MBTD1: variants seen among roughly 807,000 people sequenced by gnomAD.
MBTD1 encodes MBT domain-containing protein 1.
A neutral mutation model predicts 87.8 loss-of-function variants in MBTD1; 24 were observed. The ratio of observed to expected loss-of-function variants is 0.27; its 90% confidence interval spans 0.20 to 0.38. The LOEUF (loss-of-function observed/expected upper bound fraction) is 0.38, where lower values mean the gene tolerates loss of function less well. MBTD1 is among the 10% of genes least tolerant of loss of function. The pLI is 1.00. For missense variants in MBTD1, 436 were observed against 760.2 expected, an observed-to-expected ratio of 0.57 and a Z score of 5.02; for synonymous variants, 237 against 248.6, an observed-to-expected ratio of 0.95 and a Z score of 0.44.
In MBTD1 at chr17:51,217,325, T is replaced by C. The variant is rs2052626683; in HGVS notation, c.486+9A>G. 1.3e-6 allele frequency: 2 copies of C among 1,482,964 alleles called. No individual in the cohort carries two copies. Among genetic ancestry groups the C allele is most frequent in the Non-Finnish European group, 1.8e-6 (2 of 1,097,294 alleles). 91.9% of individuals were successfully genotyped at this position (1,482,964 alleles called of 1,614,324 possible). Reference sequence around the variant, plus strand: ...TACTTCAAAATAAGGTGAGAAATTCTGTACTTACATGTTTAAAACAGGTAA... The same window carrying C: ...TACTTCAAAATAAGGTGAGAAATTCCGTACTTACATGTTTAAAACAGGTAA... On this transcript the variant is annotated intron_variant, in intron 6 of 16. Transcript: ENST00000586178.
chr17:51,209,553 TATTTGCTGTACTTCAAGATC>T, intron 6 of MBTD1: 1 of 460,708 alleles, frequency 2.2e-6, no homozygotes, highest in South Asian at 1.6e-5. Context: ...TGGGAAGTCT[TATTTGCTGTACTTCAAGATC>T]ATTCCCAGAT....
intron 2 of MBTD1, among the ~76,000 whole-genome samples, chr17:51,252,752 A>T (rs2054865249): frequency 6.6e-6 from 1 of 151,862 alleles, no homozygotes; most frequent in South Asian, 2.1e-4. Flanking sequence ...ACAAAACAAC[A>T]AAACAAAACC....
intron 2 of MBTD1, among the ~76,000 whole-genome samples, chr17:51,248,728 C>G (rs1021489062): frequency 2.0e-5 from 3 of 152,164 alleles, no homozygotes; most frequent in African/African-American, 7.2e-5. Flanking sequence ...TAATACTCGT[C>G]AATGTATCAG....
At chr17:51,234,393 C>T (rs1418677669) in intron 2 of MBTD1, among the ~76,000 whole-genome samples, 1 of 136,298 alleles carries the variant, frequency 7.3e-6, no homozygotes, top group Non-Finnish European at 1.6e-5. Context: ...GACTTTGTCC[C>T]CGTCTCCAAA....
intron 2 of MBTD1, among the ~76,000 whole-genome samples, chr17:51,248,833 A>T (rs1350738697): frequency 6.6e-6 from 1 of 152,252 alleles, no homozygotes; most frequent in Admixed American, 6.5e-5. Flanking sequence ...AAGGTTTCTT[A>T]ACTTCAAGAC....
At chr17:51,221,639 G>GA (rs149055236) in intron 3 of MBTD1, among the ~76,000 whole-genome samples, 2 of 151,160 alleles carry the variant, frequency 1.3e-5, no homozygotes, top group African/African-American at 2.4e-5. Flanking sequence ...AATATTTTGG[G>GA]AAAAAAAAAT....
At position 51,192,275 on chromosome 17, in the gene MBTD1, T is replaced by G. The variant is rs1414737978; in HGVS notation, c.1696A>C (p.Arg566=). 16 of 1,550,316 alleles carry G rather than the reference T, an allele frequency of 1.0e-5. No homozygotes were observed. The highest frequency in any genetic ancestry group is 1.4e-5 in the Non-Finnish European group (16 of 1,146,184). Residue 566 remains arginine (R), a synonymous_variant, in exon 16 of 17, where the codon AGA becomes CGA. Transcript: ENST00000586178. ...QLQPPASQSS[R]ENQSASSKQK... ...TTTGATGAAGCTGATTGGTTTTCTC[T>G]TGATGCTGAAAAATAAAAAGGGAAA...
Position 51,180,453 on chromosome 17 carries a change from G to T in MBTD1, c.*123C>A. 1 of 171,822 alleles carries T rather than the reference G, an allele frequency of 5.8e-6. No individual in the cohort carries two copies. The highest frequency in any genetic ancestry group is 1.0e-5 in the Non-Finnish European group (1 of 97,716). The allele number at this position is 171,822 out of a possible 1,614,324, so 10.6% of individuals were successfully genotyped here. A position where few individuals can be genotyped will look rare whatever the true frequency, so the allele number is the denominator to read the frequency against. ...GCTCCCCCACCCACCTGAAAAATCT[G>T]GAACTGAAATCTTCTATGTTTAGCA... is the stretch of plus-strand genomic sequence containing the variant. On this transcript the variant is annotated 3_prime_UTR_variant, in exon 17 of 17. Transcript: ENST00000586178.
chr17:51,189,478 G>A (rs2050698572), intron 16 of MBTD1, among the ~76,000 whole-genome samples: 2 of 152,242 alleles, frequency 1.3e-5, no homozygotes, highest in Middle Eastern at 3.4e-3. Flanking sequence ...AAAAACTGGG[G>A]TGCTAATATT....
chr17:51,220,793 C>A, intron 3 of MBTD1, among the ~76,000 whole-genome samples: 1 of 152,118 alleles, frequency 6.6e-6, no homozygotes, highest in East Asian at 1.9e-4. Flanking sequence ...TTTTCATATA[C>A]AACAAATTCC....
At chr17:51,212,766 T>C (rs961946198) in intron 6 of MBTD1, among the ~76,000 whole-genome samples, 3 of 152,220 alleles carry the variant, frequency 2.0e-5, no homozygotes, top group Non-Finnish European at 4.4e-5. Context: ...ATTTATCTAT[T>C]TATTTTTGAG....
rs951800764 is a variant in MBTD1 at position 51,177,980 on chromosome 17, A to G, written c.*2596T>C. The G allele has an allele frequency of 1.3e-5, 2 of 152,076 alleles. No homozygotes were observed. Among genetic ancestry groups the G allele is most frequent in the African/African-American group, 4.8e-5 (2 of 41,396 alleles). The allele number at this position is 152,076 out of a possible 1,614,324, so 9.4% of individuals were successfully genotyped here. A position where few individuals can be genotyped will look rare whatever the true frequency, so the allele number is the denominator to read the frequency against. On this transcript the variant is annotated 3_prime_UTR_variant, in exon 17 of 17. Coordinates refer to ENST00000586178, the MANE Select transcript of MBTD1 (RefSeq NM_017643.3). ...TAATAAAAACAAACAAACACTGAAA[A>G]CCCGTGTTAGTATCGTAGAATAAGA...
intron 2 of MBTD1, among the ~76,000 whole-genome samples, chr17:51,243,709 T>A (rs1036471249): frequency 6.6e-6 from 1 of 152,340 alleles, no homozygotes; most frequent in Non-Finnish European, 1.5e-5. Flanking sequence ...TAATTTTTTT[T>A]AGATACAGGG....
intron 11 of MBTD1, 120 bp downstream of exon 11, chr17:51,201,902 C>T (rs2051514214): frequency 1.3e-6 from 1 of 742,782 alleles, no homozygotes; most frequent in African/African-American, 1.8e-5. Flanking sequence ...TATGAATTTA[C>T]AAGGTCTTAA....
chr17:51,235,805 T>C (rs1335225698), intron 2 of MBTD1, among the ~76,000 whole-genome samples: 1 of 152,190 alleles, frequency 6.6e-6, no homozygotes, highest in Non-Finnish European at 1.5e-5. Flanking sequence ...CAAAAGCTTG[T>C]TCTAAAATTC....
At chr17:51,194,566 CAAAAA>C (rs71355733) in intron 13 of MBTD1, among the ~76,000 whole-genome samples, 22 of 19,732 alleles carry the variant, frequency 1.1e-3, no homozygotes, top group African/African-American at 4.5e-3. Context: ...GAGACTGTCT[CAAAAA>C]AAAAAAAAAA....
Position 51,202,813 on chromosome 17 carries a change from T to G in MBTD1, c.951A>C (p.Leu317=). The G allele has an allele frequency of 1.9e-6, 3 of 1,614,080 alleles. No homozygotes were observed. The highest frequency in any genetic ancestry group is 2.5e-6 in the Non-Finnish European group (3 of 1,179,938). The part of the protein sequence containing the change: ...VESVIGGRLR[L]VYEESEDRTD... ...TTCTATCTTCGCTTTCTTCATACAC[T>G]AGTCTTAATCTTCCTCCAATTACAC... The change falls in exon 10 of 17, where the codon CTA becomes CTC. Residue 317 remains leucine (L), a synonymous_variant. Transcript: ENST00000586178.
chr17:51,217,846 A>T (rs924862568), intron 5 of MBTD1, among the ~76,000 whole-genome samples: 4 of 152,090 alleles, frequency 2.6e-5, no homozygotes, highest in African/African-American at 9.7e-5. Context: ...TGACCTCGTG[A>T]TCCACCTGTC....
At chr17:51,224,079 T>C (rs959684042) in intron 3 of MBTD1, among the ~76,000 whole-genome samples, 1 of 152,224 alleles carries the variant, frequency 6.6e-6, no homozygotes, top group Non-Finnish European at 1.5e-5. Context: ...AGATAAAGGT[T>C]GAATGATCTT....
Sources: gnomAD v4.1 joint callset for allele counts (sites outside exome capture counted in the v4.1 genomes callset) on GRCh38, gnomAD v4.1.1 for gene constraint, MANE v1.5 for transcripts, NCBI Gene and HGNC (gene_info 2026-07-23, HGNC 2026-07-21) for gene names.